Variants in TRAM2 observed in about 807,000 individuals in gnomAD.
The protein encoded by TRAM2 is translocation associated membrane protein 2.
In TRAM2, 12 loss-of-function variants were observed where a neutral mutation model predicts 51.0. The ratio of observed to expected loss-of-function variants is 0.24; its 90% CI spans 0.15 to 0.38. The LOEUF (loss-of-function observed/expected upper bound fraction) is 0.38, where lower values mean the gene tolerates loss of function less well. TRAM2 is among the 10% of genes least tolerant of loss of function. The pLI is 1.00. For missense variants in TRAM2, 361 were observed against 462.0 expected (o/e 0.78, Z 2.00); for synonymous variants, 175 against 179.4 (o/e 0.98, Z 0.20).
intron 1 of TRAM2, among the ~76,000 whole-genome samples, chr6:52,538,169 C>T (rs1225621674): frequency 1.3e-5 from 2 of 152,194 alleles, no homozygotes; most frequent in African/African-American, 4.8e-5. Flanking sequence ...AAAGGAGGAG[C>T]CAGGAGAAAG....
chr6:52,557,179 C>G (rs1767425006), intron 1 of TRAM2, among the ~76,000 whole-genome samples: 1 of 117,264 alleles, frequency 8.5e-6, no homozygotes, highest in Non-Finnish European at 2.1e-5. Flanking sequence ...GGAGACAAAG[C>G]AAAACTCTGT....
At chr6:52,556,741 A>G (rs1053358921) in intron 1 of TRAM2, among the ~76,000 whole-genome samples, 4 of 152,092 alleles carry the variant, frequency 2.6e-5, no homozygotes, top group Non-Finnish European at 4.4e-5. Flanking sequence ...CGGCCTGGCC[A>G]ACATGGCAAA....
intron 4 of TRAM2, among the ~76,000 whole-genome samples, chr6:52,513,230 T>C (rs914689939): frequency 6.6e-6 from 1 of 152,248 alleles, no homozygotes; most frequent in African/African-American, 2.4e-5. Flanking sequence ...ATTTGCTTTT[T>C]TGAACTTCTC....
intron 1 of TRAM2, among the ~76,000 whole-genome samples, chr6:52,551,211 A>G (rs1288079621): frequency 1.3e-5 from 2 of 152,196 alleles, no homozygotes; most frequent in Non-Finnish European, 2.9e-5. Flanking sequence ...TCCTGGCTTC[A>G]TGAACACTCG....
chr6:52,521,035 T>C (rs1766662244), intron 2 of TRAM2, among the ~76,000 whole-genome samples: 1 of 152,090 alleles, frequency 6.6e-6, no homozygotes, highest in Admixed American at 6.5e-5. Flanking sequence ...CCCAAGTAGC[T>C]GGGATTACAG....
At chr6:52,511,872 A>C (rs1237458971) in intron 4 of TRAM2, among the ~76,000 whole-genome samples, 1 of 152,122 alleles carries the variant, frequency 6.6e-6, no homozygotes, top group Non-Finnish European at 1.5e-5. Flanking sequence ...CCTCATTTCT[A>C]ATCTCTTCTC....
At chr6:52,553,809 G>A (rs1767352909) in intron 1 of TRAM2, among the ~76,000 whole-genome samples, 1 of 152,186 alleles carries the variant, frequency 6.6e-6, no homozygotes, top group African/African-American at 2.4e-5. Flanking sequence ...AGTGGGATTA[G>A]AAGGTCAAAT....
At chr6:52,513,868 G>A (rs1766494872) in intron 4 of TRAM2, among the ~76,000 whole-genome samples, 2 of 152,202 alleles carry the variant, frequency 1.3e-5, no homozygotes, top group Admixed American at 1.3e-4. Flanking sequence ...GTACAAGAGT[G>A]GAAACAGTCT....
chr6:52,521,487 C>A (rs9367487), intron 2 of TRAM2, among the ~76,000 whole-genome samples: 32,852 of 151,216 alleles, frequency 0.22, 3,712 homozygotes, highest in Non-Finnish European at 0.26. Context: ...AGATCAGGAG[C>A]TCGAGACCAT....
At chr6:52,558,477 T>C (rs771985492) in intron 1 of TRAM2, among the ~76,000 whole-genome samples, 3 of 152,234 alleles carry the variant, frequency 2.0e-5, no homozygotes, top group Non-Finnish European at 4.4e-5. Context: ...TGGAGATTGG[T>C]TGCACAATGT....
chr6:52,552,324 C>G (rs1323406467), intron 1 of TRAM2, among the ~76,000 whole-genome samples: 1 of 152,258 alleles, frequency 6.6e-6, no homozygotes, highest in Non-Finnish European at 1.5e-5. Flanking sequence ...AAGACAAGAA[C>G]AGACTGAAAT....
chr6:52,524,021 AT>A (rs1766725666), intron 2 of TRAM2: 1 of 152,262 alleles, frequency 6.6e-6, no homozygotes, highest in Non-Finnish European at 1.5e-5. Flanking sequence ...AATTTAAAAA[AT>A]ATTTATGTAA....
chr6:52,565,129 C>T (rs745532022), intron 1 of TRAM2, among the ~76,000 whole-genome samples: 1 of 152,090 alleles, frequency 6.6e-6, no homozygotes, highest in Non-Finnish European at 1.5e-5. Flanking sequence ...AATTGCTCAG[C>T]CTTTAGGCGG....
rs1388671725 is a variant in TRAM2 at position 52,498,366 on chromosome 6, A to G, written c.*4831T>C. 1 of 152,626 alleles carries G rather than the reference A, an allele frequency of 6.6e-6. No homozygotes were observed. The highest frequency in any genetic ancestry group is 1.5e-5 in the Non-Finnish European group (1 of 68,062). 9.5% of individuals were successfully genotyped at this position (152,626 alleles called of 1,614,324 possible). ...TTAGGAGCTCGAACAGTTCTGCAAC[A>G]GTCAGACATGTATGTGTTTATGTGT... On this transcript the variant is annotated 3_prime_UTR_variant, in exon 11 of 11. Coordinates refer to ENST00000182527, the MANE Select transcript of TRAM2 (RefSeq NM_012288.4).
intron 2 of TRAM2, among the ~76,000 whole-genome samples, chr6:52,534,115 C>T (rs904221164): frequency 1.4e-5 from 2 of 143,484 alleles, no homozygotes; most frequent in African/African-American, 2.6e-5. Context: ...GGCACGGTGG[C>T]TCACGCCTGT....
At chr6:52,539,200 G>A (rs1441216924) in intron 1 of TRAM2, among the ~76,000 whole-genome samples, 1 of 152,048 alleles carries the variant, frequency 6.6e-6, no homozygotes, top group East Asian at 1.9e-4. Flanking sequence ...AAAAGCAGCA[G>A]AAAAATGCAA....
At chr6:52,529,428 T>C (rs1766845506) in intron 2 of TRAM2, 1 of 152,216 alleles carries the variant, frequency 6.6e-6, no homozygotes, top group Non-Finnish European at 1.5e-5. Context: ...CCACCTCATT[T>C]AAAGCCGTGC....
At chr6:52,505,450 T>C in intron 9 of TRAM2, 149 bp downstream of exon 9, 1 of 1,127,158 alleles carries the variant, frequency 8.9e-7, no homozygotes, top group Non-Finnish European at 1.2e-6. Flanking sequence ...CTGCTATCTC[T>C]TCTCCCCTCA....
Position 52,569,800 on chromosome 6 carries a change from G to C in TRAM2, c.120+6996C>G, listed in dbSNP as rs114923865. ...ATTCCCAGAGCTCAGCACAGGCCCA[G>C]AACAGGCACTTAAGCACTCAATAAA... is the stretch of plus-strand genomic sequence containing the variant. On this transcript the variant is annotated intron_variant, in intron 1 of 10. Transcript: ENST00000182527. 2.0e-3 allele frequency among the ~76,000 whole-genome samples: 303 copies of C among 152,166 alleles called. 1 individual carries two copies. Among genetic ancestry groups the C allele is most frequent in the African/African-American group, 6.9e-3 (287 of 41,516 alleles).
Sources: gnomAD v4.1 joint callset for allele counts (sites outside exome capture counted in the v4.1 genomes callset) on GRCh38, gnomAD v4.1.1 for gene constraint, MANE v1.5 for transcripts, NCBI Gene and HGNC (gene_info 2026-07-23, HGNC 2026-07-21) for gene names.